The following CDH18 variants were observed in gnomAD, a reference collection of about 807,000 sequenced individuals.
The protein encoded by CDH18 is cadherin 18.
Under a neutral mutation model 67.9 loss-of-function variants are expected in CDH18, and 31 were observed. The ratio of observed to expected loss-of-function variants is 0.46; its 90% CI spans 0.34 to 0.62. CDH18 has a LOEUF of 0.62. CDH18 is among the 20% of genes least tolerant of loss of function. CDH18 has a pLI of 0.01. For missense variants in CDH18, 890 were observed against 975.5 expected (o/e 0.91, Z 1.17); for synonymous variants, 362 against 347.2 (o/e 1.04, Z -0.48).
chr5:19,823,727 G>C (rs1780124341), intron 3 of CDH18, among the ~76,000 whole-genome samples: 1 of 152,070 alleles, frequency 6.6e-6, no homozygotes, highest in Admixed American at 6.6e-5. Context: ...GCCAATTAGA[G>C]GTAATAGACA....
chr5:20,039,105 G>C (rs1444384370), intron 2 of CDH18, among the ~76,000 whole-genome samples: 1 of 151,918 alleles, frequency 6.6e-6, no homozygotes, highest in Non-Finnish European at 1.5e-5. Context: ...TTGCTACGAA[G>C]AGAATAAAAT....
intron 2 of CDH18, among the ~76,000 whole-genome samples, chr5:19,968,131 C>G (rs1161216734): frequency 1.3e-5 from 2 of 151,906 alleles, no homozygotes; most frequent in African/African-American, 4.8e-5. Context: ...ATCCAACTTA[C>G]AAGGGACGTG....
intron 1 of CDH18, among the ~76,000 whole-genome samples, chr5:20,451,810 CA>C (rs1245745144): frequency 6.6e-6 from 1 of 151,976 alleles, no homozygotes; most frequent in African/African-American, 2.4e-5. Flanking sequence ...CAGTTTATTT[CA>C]AACTGAATAT....
chr5:20,390,196 C>G (rs375979993), intron 1 of CDH18, among the ~76,000 whole-genome samples: 2 of 152,084 alleles, frequency 1.3e-5, no homozygotes, highest in African/African-American at 4.8e-5. Flanking sequence ...TCAGAGTGAA[C>G]AGGCAACCTA....
chr5:20,227,466 C>T (rs563562557), intron 2 of CDH18, among the ~76,000 whole-genome samples: 1 of 152,178 alleles, frequency 6.6e-6, no homozygotes, highest in South Asian at 2.1e-4. Flanking sequence ...CATCACCCAA[C>T]TCATACAAAT....
At chr5:19,833,033 T>C (rs1220734716) in intron 3 of CDH18, among the ~76,000 whole-genome samples, 1 of 152,168 alleles carries the variant, frequency 6.6e-6, no homozygotes, top group Non-Finnish European at 1.5e-5. Context: ...ATATGCAATT[T>C]AAAATAGTTT....
At chr5:20,514,414 T>C (rs1198662002) in intron 1 of CDH18, among the ~76,000 whole-genome samples, 4 of 152,178 alleles carry the variant, frequency 2.6e-5, no homozygotes, top group Admixed American at 1.3e-4. Context: ...ATTGTTATCA[T>C]ACCAATGTCA....
At chr5:20,102,940 T>C (rs1385807621) in intron 2 of CDH18, among the ~76,000 whole-genome samples, 1 of 152,204 alleles carries the variant, frequency 6.6e-6, no homozygotes, top group Non-Finnish European at 1.5e-5. Flanking sequence ...TTTTAGTCTT[T>C]AGTGTTCTGT....
chr5:20,304,437 C>G (rs1271007315), intron 1 of CDH18: 1 of 1,499,140 alleles, frequency 6.7e-7, no homozygotes, highest in Non-Finnish European at 9.3e-7. Flanking sequence ...TGATTCTCTT[C>G]TTCATCTCCA....
chr5:20,396,155 A>C (rs1253632032), intron 1 of CDH18, among the ~76,000 whole-genome samples: 2 of 152,146 alleles, frequency 1.3e-5, no homozygotes, highest in Non-Finnish European at 2.9e-5. Flanking sequence ...ACAACCTGGG[A>C]CTTGTGATTG....
intron 5 of CDH18, among the ~76,000 whole-genome samples, chr5:19,653,879 G>A (rs1755938803): frequency 6.6e-6 from 1 of 152,158 alleles, no homozygotes; most frequent in Non-Finnish European, 1.5e-5. Context: ...GGGACTAGAG[G>A]AAGTGAGTGA....
At chr5:20,281,621 T>C (rs891581978) in intron 1 of CDH18, among the ~76,000 whole-genome samples, 4 of 152,212 alleles carry the variant, frequency 2.6e-5, no homozygotes, top group African/African-American at 9.7e-5. Flanking sequence ...CCTTGTAGTA[T>C]AGTTTGAAGT....
chr5:20,242,504 T>C (rs1743008492), intron 2 of CDH18, among the ~76,000 whole-genome samples: 1 of 150,166 alleles, frequency 6.7e-6, no homozygotes, highest in African/African-American at 2.5e-5. Flanking sequence ...ATTTCTGTAA[T>C]ACTGTCTCTC....
intron 5 of CDH18, among the ~76,000 whole-genome samples, chr5:19,650,603 G>GCAT (rs1755433776): frequency 6.6e-6 from 1 of 152,016 alleles, no homozygotes; most frequent in Non-Finnish European, 1.5e-5. Flanking sequence ...AGCAAGCGAA[G>GCAT]CATATTTTCT....
At chr5:19,669,314 T>A (rs1291992577) in intron 5 of CDH18, among the ~76,000 whole-genome samples, 1 of 148,260 alleles carries the variant, frequency 6.7e-6, no homozygotes. Context: ...TTTTTTGAGA[T>A]GGAGTTTCAT....
At chr5:19,947,497 T>C (rs973285702) in intron 2 of CDH18, among the ~76,000 whole-genome samples, 5 of 150,452 alleles carry the variant, frequency 3.3e-5, no homozygotes, top group Admixed American at 6.7e-5. Context: ...TCTGAAAACT[T>C]TGGGAGGCTG....
At chr5:20,249,476 G>A (rs957571746) in intron 2 of CDH18, among the ~76,000 whole-genome samples, 4 of 147,752 alleles carry the variant, frequency 2.7e-5, no homozygotes, top group Non-Finnish European at 5.9e-5. Flanking sequence ...TCCGCCTTCC[G>A]GGTTCACGCC....
intron 2 of CDH18, among the ~76,000 whole-genome samples, chr5:20,059,631 A>G (rs1742288721): frequency 6.6e-6 from 1 of 152,222 alleles, no homozygotes; most frequent in African/African-American, 2.4e-5. Flanking sequence ...ACAAAAGATT[A>G]TAAATCATTC....
At chr5:20,507,416 A>G (rs573841436) in intron 1 of CDH18, among the ~76,000 whole-genome samples, 85 of 152,358 alleles carry the variant, frequency 5.6e-4, no homozygotes, top group African/African-American at 2.0e-3. Context: ...TCCTATTGAT[A>G]GAGATTCACT....
Sources: gnomAD v4.1 joint callset for allele counts (sites outside exome capture counted in the v4.1 genomes callset) on GRCh38, gnomAD v4.1.1 for gene constraint, MANE v1.5 for transcripts, NCBI Gene and HGNC (gene_info 2026-07-23, HGNC 2026-07-21) for gene names.